Variants in CRYBG1 observed in about 807,000 individuals in gnomAD.
The protein encoded by CRYBG1 is crystallin beta-gamma domain containing 1, also known as beta/gamma crystallin domain-containing protein 1.
In CRYBG1, 139 loss-of-function variants were observed where a neutral mutation model predicts 189.2. The observed-to-expected ratio is 0.73, with a 90% CI of 0.64 to 0.85. CRYBG1 has a LOEUF of 0.85. CRYBG1 is among the 40% of genes least tolerant of loss of function. The pLI is 0.00. For synonymous variants in CRYBG1, 1,023 were observed against 1,017.1 expected (o/e 1.01, Z -0.11); for missense variants, 2,611 against 2,675.8 (o/e 0.98, Z 0.53).
intron 1 of CRYBG1, among the ~76,000 whole-genome samples, chr6:106,384,607 G>A (rs1442261107): frequency 6.6e-6 from 1 of 152,046 alleles, no homozygotes. Context: ...GCTTCACAAA[G>A]ATAGGATGTT....
intron 16 of CRYBG1, among the ~76,000 whole-genome samples, chr6:106,554,961 T>C (rs1774498011): frequency 6.6e-6 from 1 of 152,102 alleles, no homozygotes; most frequent in South Asian, 2.1e-4. Flanking sequence ...GGTCAGGATT[T>C]CGAGACCAGT....
chr6:106,369,067 T>C (rs1769961483), intron 1 of CRYBG1, among the ~76,000 whole-genome samples: 1 of 152,220 alleles, frequency 6.6e-6, no homozygotes, highest in Admixed American at 6.5e-5. Context: ...TGATTTGTCA[T>C]TTAAATGTGT....
At chr6:106,546,932 T>A (rs1774275964) in intron 13 of CRYBG1, among the ~76,000 whole-genome samples, 1 of 152,206 alleles carries the variant, frequency 6.6e-6, no homozygotes, top group Non-Finnish European at 1.5e-5. Context: ...CTGGGTAGAA[T>A]GAATTCCCTT....
At chr6:106,396,097 C>T (rs1282340877) in intron 1 of CRYBG1, among the ~76,000 whole-genome samples, 4 of 152,170 alleles carry the variant, frequency 2.6e-5, no homozygotes, top group African/African-American at 9.7e-5. Flanking sequence ...GAGCTTATTT[C>T]TGGATCTGCT....
rs763700209 is a variant in CRYBG1, at chr6:106,519,342, G to T, written c.2134G>T (p.Val712Phe). ...TACTCCTGCCTCTAGTAAAACGTTT[G>T]TTGGGAGGGCAAAGCTGAATTTAGC... ...RNTPASSKTF[V>F]GRAKLNLAKK... The change falls in exon 4 of 22, where the codon GTT becomes TTT. Residue 712 changes from valine (V) to phenylalanine (F), a missense_variant. Around this residue, in one of 3 missense-constraint regions of CRYBG1, gnomAD observed 1,622 missense variants for 1,735.0 expected, o/e 0.93. Transcript: ENST00000633556. The T allele has an allele frequency of 2.5e-6, 4 of 1,614,182 alleles. No homozygotes were observed. The highest frequency in any genetic ancestry group is 1.7e-5 in the Admixed American group (1 of 60,018).
At chr6:106,565,320 CAA>C (rs10681180) in intron 21 of CRYBG1, among the ~76,000 whole-genome samples, 1 of 148,006 alleles carries the variant, frequency 6.8e-6, no homozygotes, top group Non-Finnish European at 1.5e-5. Flanking sequence ...GACTTCGTCT[CAA>C]AAAAAAAAAA....
At chr6:106,526,709 A>C (rs778138147) in intron 6 of CRYBG1, among the ~76,000 whole-genome samples, 14 of 152,092 alleles carry the variant, frequency 9.2e-5, no homozygotes, top group Non-Finnish European at 1.8e-4. Flanking sequence ...TGGGAGGCCG[A>C]GGTGGGCAGA....
intron 17 of CRYBG1, among the ~76,000 whole-genome samples, chr6:106,558,254 A>G (rs1459804470): frequency 6.6e-6 from 1 of 151,986 alleles, no homozygotes; most frequent in East Asian, 1.9e-4. Flanking sequence ...CCTGTTTTAC[A>G]AACTATTTAT....
intron 1 of CRYBG1, among the ~76,000 whole-genome samples, chr6:106,443,970 C>T (rs1771612613): frequency 6.6e-6 from 1 of 152,138 alleles, no homozygotes; most frequent in Admixed American, 6.5e-5. Flanking sequence ...TTCATTCTAT[C>T]TAACTGTATT....
chr6:106,451,820 A>C lies in CRYBG1; in HGVS notation c.300A>C (p.Gly100=). The change falls in exon 2 of 22, where the codon GGA becomes GGC. Residue 100 remains glycine (G), a synonymous_variant. Coordinates refer to ENST00000633556, the MANE Select transcript of CRYBG1 (RefSeq NM_001371242.2). The part of the protein sequence containing the change: ...EALGSLLLES[G]IFKKSRAQPP... ...TTGGTTCCTTACTTCTAGAGTCTGG[A>C]ATATTTAAAAAGGTAATGCTTCATT... 1 of 1,534,294 alleles carries C rather than the reference A, an allele frequency of 6.5e-7. No homozygotes were observed. Among genetic ancestry groups the C allele is most frequent in the Non-Finnish European group, 8.7e-7 (1 of 1,146,154 alleles).
intron 1 of CRYBG1, among the ~76,000 whole-genome samples, chr6:106,361,886 T>C (rs1771874785): frequency 6.6e-6 from 1 of 152,134 alleles, no homozygotes; most frequent in Non-Finnish European, 1.5e-5. Context: ...CAAATGTGTT[T>C]TTAAAATACA....
At chr6:106,505,558 C>A (rs1773113333) in intron 2 of CRYBG1, among the ~76,000 whole-genome samples, 1 of 152,064 alleles carries the variant, frequency 6.6e-6, no homozygotes, top group Non-Finnish European at 1.5e-5. Context: ...TCTCCTTTTT[C>A]TCCCCCTTCC....
rs1171061958 is a variant in CRYBG1, at chr6:106,546,195, G to C, written c.5312+1262G>C. Among the ~76,000 whole-genome samples, 3 of 152,154 alleles carry C rather than the reference G, an allele frequency of 2.0e-5. No individual in the cohort carries two copies. The East Asian group carries it at 5.8e-4, about 29-fold the overall frequency. ...ATGAATGGGGTTGGTGGTTCCCCAG[G>C]GACATCAGAAAGAGTGGGGAGATAG... On this transcript the variant is annotated intron_variant, in intron 13 of 21. Transcript: ENST00000633556.
chr6:106,439,419 CA>C (rs1454572633), intron 1 of CRYBG1, among the ~76,000 whole-genome samples: 1 of 151,962 alleles, frequency 6.6e-6, no homozygotes, highest in African/African-American at 2.4e-5. Flanking sequence ...GGTACAAAGA[CA>C]ATATGAAGAT....
rs577706283 is a variant in CRYBG1, at chr6:106,392,836, A to G, written c.173+31755A>G. Among the ~76,000 whole-genome samples, 4 of 152,142 alleles carry G rather than the reference A, an allele frequency of 2.6e-5. No homozygotes were observed. In the South Asian group the frequency reaches 6.2e-4, roughly 24 times the overall value. Reference sequence around the variant, plus strand: ...GCTGGAGTGGCTGGAGTGCAGTGGCACGATCTCAGCTCACTGCAACCTCCG... The same window carrying G: ...GCTGGAGTGGCTGGAGTGCAGTGGCGCGATCTCAGCTCACTGCAACCTCCG... On this transcript the variant is annotated intron_variant, in intron 1 of 21. Transcript: ENST00000633556.
chr6:106,569,779 G>A lies in CRYBG1; in HGVS notation c.*1213G>A, dbSNP rs13319. Reference sequence around the variant, plus strand: ...GGGGCTGCCTTCCCTGCAGTGTTCTGCAGCCATGCTTCAGGGTATAGCTGT... The same window carrying A: ...GGGGCTGCCTTCCCTGCAGTGTTCTACAGCCATGCTTCAGGGTATAGCTGT... On this transcript the variant is annotated 3_prime_UTR_variant, in exon 22 of 22. Transcript: ENST00000633556. 0.16 allele frequency: 24,731 copies of A among 152,090 alleles called. 2,467 individuals are homozygous for A. The highest frequency in any genetic ancestry group is 0.28 in the African/African-American group (11,658 of 41,464). 9.4% of individuals were successfully genotyped at this position (152,090 alleles called of 1,614,324 possible). A position where few individuals can be genotyped will look rare whatever the true frequency, so the allele number is the denominator to read the frequency against.
chr6:106,555,960 T>G (rs759664680), intron 17 of CRYBG1, 63 bp downstream of exon 17: 21 of 1,588,500 alleles, frequency 1.3e-5, no homozygotes, highest in Non-Finnish European at 1.6e-5. Context: ...ATGGTCAGAG[T>G]GAGGTAACCA....
Position 106,571,896 on chromosome 6 carries a change from T to C in CRYBG1, c.*3330T>C. 1 of 727,230 alleles carries C rather than the reference T, an allele frequency of 1.4e-6. No individual in the cohort carries two copies. Among genetic ancestry groups the C allele is most frequent in the East Asian group, 2.6e-5 (1 of 39,028 alleles). The allele number at this position is 727,230 out of a possible 1,614,324, so 45.0% of individuals were successfully genotyped here. A position where few individuals can be genotyped will look rare whatever the true frequency, so the allele number is the denominator to read the frequency against. On this transcript the variant is annotated 3_prime_UTR_variant, in exon 22 of 22. Transcript: ENST00000633556. ...AGCTTGTATCATGGAATGTATAATC[T>C]AATCTGGAAAAATGTTTGAAAGGGA...
chr6:106,370,614 G>T (rs900669914), intron 1 of CRYBG1, among the ~76,000 whole-genome samples: 9 of 152,136 alleles, frequency 5.9e-5, no homozygotes, highest in African/African-American at 2.2e-4. Context: ...CCCACTTGAG[G>T]CTTATAAGGG....
Sources: gnomAD v4.1 joint callset for allele counts (sites outside exome capture counted in the v4.1 genomes callset) on GRCh38, gnomAD v4.1.1 for gene constraint, gnomAD v4.1.1 regional missense constraint, MANE v1.5 for transcripts, NCBI Gene and HGNC (gene_info 2026-07-23, HGNC 2026-07-21) for gene names.